Variants in GRXCR1 observed in about 807,000 individuals in gnomAD.
GRXCR1 encodes the protein glutaredoxin domain-containing cysteine-rich protein 1.
In GRXCR1, 27 loss-of-function variants were observed where a neutral mutation model predicts 27.3. That is an observed-to-expected ratio of 0.99 (90% confidence interval 0.73 to 1.37). The LOEUF is 1.37. GRXCR1 is among the 40% of genes most tolerant of loss of function. The probability of loss-of-function intolerance (pLI) is 0.00; values close to 1 mark genes in which losing one functional copy is unlikely to be tolerated. For missense variants in GRXCR1, 379 were observed against 354.4 expected (o/e 1.07, Z -0.56); for synonymous variants, 122 against 131.1 (o/e 0.93, Z 0.47).
intron 1 of GRXCR1, among the ~76,000 whole-genome samples, chr4:42,940,142 G>T (rs1157553808): frequency 6.6e-6 from 1 of 152,008 alleles, no homozygotes; most frequent in Non-Finnish European, 1.5e-5. Context: ...GTGAGAATCT[G>T]CTGGAATTCC....
At chr4:43,000,190 G>A (rs912976881) in intron 2 of GRXCR1, among the ~76,000 whole-genome samples, 6 of 152,238 alleles carry the variant, frequency 3.9e-5, no homozygotes, top group South Asian at 4.1e-4. Context: ...CTTAGAAGGC[G>A]TCTAAGGGGG....
chr4:42,938,386 G>C (rs77532044), intron 1 of GRXCR1, among the ~76,000 whole-genome samples: 4 of 151,854 alleles, frequency 2.6e-5, no homozygotes, highest in Admixed American at 1.3e-4. Context: ...GTGCTACAAC[G>C]AACATGGGAG....
intron 1 of GRXCR1, among the ~76,000 whole-genome samples, chr4:42,940,277 T>A (rs1318604305): frequency 6.6e-6 from 1 of 152,094 alleles, no homozygotes; most frequent in East Asian, 1.9e-4. Flanking sequence ...CATGTAAATA[T>A]TCTTACCAAT....
At chr4:42,918,050 C>T (rs1488512907) in intron 1 of GRXCR1, among the ~76,000 whole-genome samples, 2 of 152,028 alleles carry the variant, frequency 1.3e-5, no homozygotes, top group Non-Finnish European at 2.9e-5. Flanking sequence ...TGGAAAGCAG[C>T]AGAGATCAGA....
At chr4:42,975,207 G>A (rs1748485566) in intron 2 of GRXCR1, among the ~76,000 whole-genome samples, 1 of 152,080 alleles carries the variant, frequency 6.6e-6, no homozygotes, top group African/African-American at 2.4e-5. Flanking sequence ...AAAAAGTAAG[G>A]TTACAAAACT....
chr4:43,029,035 C>T (rs935372936), intron 3 of GRXCR1, among the ~76,000 whole-genome samples: 1 of 152,110 alleles, frequency 6.6e-6, no homozygotes, highest in Non-Finnish European at 1.5e-5. Flanking sequence ...AGAAAATGCC[C>T]ATTTATATTG....
At chr4:42,982,733 T>C (rs1373572715) in intron 2 of GRXCR1, among the ~76,000 whole-genome samples, 1 of 147,164 alleles carries the variant, frequency 6.8e-6, no homozygotes, top group East Asian at 2.0e-4. Context: ...TCCTGACTTT[T>C]TAATGATTGC....
At chr4:42,916,695 T>C (rs1430730376) in intron 1 of GRXCR1, among the ~76,000 whole-genome samples, 1 of 152,166 alleles carries the variant, frequency 6.6e-6, no homozygotes, top group Non-Finnish European at 1.5e-5. Flanking sequence ...TTTACTATGG[T>C]ATTATCCAAT....
Position 43,030,445 on chromosome 4 carries a change from A to T in GRXCR1, c.778A>T (p.Met260Leu), listed in dbSNP as rs578104635. 2 of 1,614,008 alleles carry T rather than the reference A, an allele frequency of 1.2e-6. No individual in the cohort carries two copies. The highest frequency in any genetic ancestry group is 2.2e-5 in the East Asian group (1 of 44,862). ...CSVCHGSKMS[M>L]FRNCFTDSFK... ...CGTGTGCCATGGGAGCAAGATGTCC[A>T]TGTTTCGAAACTGCTTCACAGACTC... The change falls in exon 4 of 4, where the codon ATG becomes TTG. Residue 260 changes from methionine (M) to leucine (L), a missense_variant. By Grantham distance (15) the Met-to-Leu change is conservative (BLOSUM62 2). Coordinates refer to ENST00000399770, the MANE Select transcript of GRXCR1 (RefSeq NM_001080476.3).
chr4:42,957,039 G>T (rs766764600), intron 1 of GRXCR1, among the ~76,000 whole-genome samples: 16 of 152,004 alleles, frequency 1.1e-4, no homozygotes, highest in Non-Finnish European at 1.8e-4. Context: ...TGTGTATCAA[G>T]AAATAACATT....
chr4:42,903,064 A>G (rs1746497713), intron 1 of GRXCR1, among the ~76,000 whole-genome samples: 1 of 152,140 alleles, frequency 6.6e-6, no homozygotes, highest in Admixed American at 6.6e-5. Flanking sequence ...AGAACTCAGG[A>G]GGTTTCATGT....
intron 3 of GRXCR1, among the ~76,000 whole-genome samples, chr4:43,025,351 A>G (rs963893075): frequency 3.3e-5 from 5 of 152,154 alleles, no homozygotes; most frequent in Non-Finnish European, 2.9e-5. Flanking sequence ...CTATATTCCC[A>G]TTGCCTTACA....
At chr4:42,929,793 C>T (rs570360248) in intron 1 of GRXCR1, among the ~76,000 whole-genome samples, 2 of 152,004 alleles carry the variant, frequency 1.3e-5, no homozygotes, top group African/African-American at 2.4e-5. Flanking sequence ...CTTGATATAG[C>T]AATAATAATA....
intron 1 of GRXCR1, among the ~76,000 whole-genome samples, chr4:42,906,326 G>T (rs750662545): frequency 9.2e-5 from 14 of 152,072 alleles, no homozygotes; most frequent in African/African-American, 1.4e-4. Flanking sequence ...ACCCAAGCTG[G>T]GCAGTCTAAA....
At chr4:42,960,126 G>A (rs1222133102) in intron 1 of GRXCR1, among the ~76,000 whole-genome samples, 3 of 151,960 alleles carry the variant, frequency 2.0e-5, no homozygotes, top group Non-Finnish European at 4.4e-5. Context: ...GATTCAGAGA[G>A]AATCTTACAT....
At chr4:42,927,712 C>A (rs1747194377) in intron 1 of GRXCR1, among the ~76,000 whole-genome samples, 3 of 151,708 alleles carry the variant, frequency 2.0e-5, no homozygotes, top group African/African-American at 7.3e-5. Context: ...CTTTTGGAAA[C>A]CTTGGAGACC....
rs918767888 is a variant in GRXCR1, at chr4:42,915,891, C to G, written c.384+22241C>G. ...AAGATTTTACTCTTTTTTTATTTTA[C>G]CTCCCATTGCTAGGTACTTGGAACT... On this transcript the variant is annotated intron_variant, in intron 1 of 3. Coordinates refer to ENST00000399770, the MANE Select transcript of GRXCR1 (RefSeq NM_001080476.3). Among the ~76,000 whole-genome samples the G allele has an allele frequency of 5.3e-5, 8 of 151,934 alleles. No individual in the cohort carries two copies. In the Middle Eastern group the frequency reaches 0.014, roughly 258 times the overall value.
At chr4:42,898,709 CAATT>C (rs1280618273) in intron 1 of GRXCR1, among the ~76,000 whole-genome samples, 17 of 151,968 alleles carry the variant, frequency 1.1e-4, no homozygotes, top group African/African-American at 3.6e-4. Flanking sequence ...TACTATTAAT[CAATT>C]AATTATCAAT....
chr4:42,966,295 T>TCCACAAAAC (rs1389696848), intron 2 of GRXCR1, among the ~76,000 whole-genome samples: 4 of 151,846 alleles, frequency 2.6e-5, no homozygotes, highest in Non-Finnish European at 5.9e-5. Flanking sequence ...ACAGTAGAAA[T>TCCACAAAAC]CCACAAAACC....
Sources: gnomAD v4.1 joint callset for allele counts (sites outside exome capture counted in the v4.1 genomes callset) on GRCh38, gnomAD v4.1.1 for gene constraint, MANE v1.5 for transcripts, NCBI Gene and HGNC (gene_info 2026-07-23, HGNC 2026-07-21) for gene names.